WDR3: variants seen among roughly 807,000 people sequenced by gnomAD.
WDR3 encodes the protein WD repeat domain 3.
Under a neutral mutation model 123.7 loss-of-function variants are expected in WDR3, and 81 were observed. The ratio of observed to expected loss-of-function variants is 0.65; its 90% CI spans 0.55 to 0.79. The LOEUF (loss-of-function observed/expected upper bound fraction) is 0.79, where lower values mean the gene tolerates loss of function less well. WDR3 is among the 30% of genes least tolerant of loss of function. WDR3 has a pLI of 0.00. For synonymous variants in WDR3, 390 were observed against 388.8 expected (o/e 1.00, Z -0.04); for missense variants, 1,027 against 1,123.2 (o/e 0.91, Z 1.22).
rs201492235 is a variant in WDR3, at chr1:117,963,819, G to A, written c.*4372G>A. 31 of 1,612,640 alleles carry A rather than the reference G, an allele frequency of 1.9e-5. No homozygotes were observed. The South Asian group carries it at 3.0e-4, about 15-fold the overall frequency. ...TGTACCTAATGTGGAGAAACTTTAC[G>A]AGACATGAAGACTCCAAGTGTGGAG... On this transcript the variant is annotated 3_prime_UTR_variant, in exon 27 of 27. Transcript: ENST00000349139.
Position 117,954,656 on chromosome 1 carries a change from TG to T in WDR3, c.2409+30del, listed in dbSNP as rs1170768981. On this transcript the variant is annotated intron_variant, in intron 23 of 26. Transcript: ENST00000349139. ...AGTAAAATGTCTAACGGTTTTCCTT[TG>T]TTTATTAAAAGGTTACTTACAAGGA... is the stretch of plus-strand genomic sequence containing the variant. The T allele has an allele frequency of 2.5e-6, 4 of 1,604,824 alleles. No homozygotes were observed. In the East Asian group the frequency reaches 8.9e-5, roughly 36 times the overall value.
At chr1:117,947,093 T>C (rs1651436622) in intron 12 of WDR3, among the ~76,000 whole-genome samples, 1 of 152,160 alleles carries the variant, frequency 6.6e-6, no homozygotes, top group African/African-American at 2.4e-5. Context: ...TTACTAGCTA[T>C]GTGACCTTAA....
intron 21 of WDR3, 77 bp downstream of exon 21, chr1:117,953,618 AC>A: frequency 6.7e-7 from 1 of 1,489,330 alleles, no homozygotes. Context: ...TTCTGTATCA[AC>A]CAGAAAGCCA....
chr1:117,943,453 G>T lies in WDR3; in HGVS notation c.1155G>T (p.Gln385His). The T allele has an allele frequency of 6.2e-7, 1 of 1,614,126 alleles. No individual in the cohort carries two copies. The highest frequency in any genetic ancestry group is 1.3e-5 in the African/African-American group (1 of 75,018). The change falls in exon 11 of 27, where the codon CAG becomes CAT. Residue 385 changes from glutamine to histidine, a missense_variant. Transcript: ENST00000349139. ...AGTTAAAGGCTGTCTTCCTGCTGCAGAACAACCTGGTGGAATTGTATTCAC... is the reference window on the plus strand; with the variant it reads ...AGTTAAAGGCTGTCTTCCTGCTGCATAACAACCTGGTGGAATTGTATTCAC... ...HGELKAVFLLQNNLVELYSLN... is the reference protein window; with the variant it reads ...HGELKAVFLLHNNLVELYSLN...
chr1:117,930,483 T>G (rs773679214), intron 1 of WDR3, among the ~76,000 whole-genome samples: 1 of 152,234 alleles, frequency 6.6e-6, no homozygotes, highest in Non-Finnish European at 1.5e-5. Flanking sequence ...GGAAGGTTTA[T>G]TCGAGAAATA....
At chr1:117,936,228 C>G (rs755498232) in intron 3 of WDR3, among the ~76,000 whole-genome samples, 44 of 151,990 alleles carry the variant, frequency 2.9e-4, no homozygotes, top group Middle Eastern at 3.2e-3. Context: ...GAATCCAAAA[C>G]TTTAAAAATA....
At chr1:117,944,572 A>G (rs533860594) in intron 11 of WDR3, among the ~76,000 whole-genome samples, 1 of 152,200 alleles carries the variant, frequency 6.6e-6, no homozygotes. Flanking sequence ...ATGTGTCCCA[A>G]ACCAAACTTA....
Position 117,954,053 on chromosome 1 carries a change from C to A in WDR3, c.2315C>A (p.Ala772Glu). 6.2e-7 allele frequency: 1 copy of A among 1,610,690 alleles called. No individual in the cohort carries two copies. Among genetic ancestry groups the A allele is most frequent in the East Asian group, 2.2e-5 (1 of 44,714 alleles). The stretch of plus-strand genomic sequence containing the variant: ...ATTGAGTTGTACCGAGAAGAAACTG[C>A]AAAAATGAAGGAACACAAAGCCATT... ...EAIELYREET[A>E]KMKEHKAICK... The change falls in exon 22 of 27, where the codon GCA becomes GAA. Residue 772 changes from alanine to glutamate, a missense_variant. Ala to Glu is a moderately radical substitution (Grantham distance 107). Coordinates refer to ENST00000349139, the MANE Select transcript of WDR3 (RefSeq NM_006784.3).
chr1:117,952,230 ATG>A (rs1386281997), intron 17 of WDR3, 65 bp from the exon 18 acceptor site: 23 of 1,485,884 alleles, frequency 1.5e-5, no homozygotes, highest in Admixed American at 1.1e-4. Context: ...AAAGCTATTT[ATG>A]TGTGTAAAAC....
Position 117,964,227 on chromosome 1 carries a change from G to T in WDR3, c.*4780G>T. 14 of 175,284 alleles carry T rather than the reference G, an allele frequency of 8.0e-5. No homozygotes were observed. Among genetic ancestry groups the T allele is most frequent in the East Asian group, 2.7e-4 (2 of 7,352 alleles). The allele number at this position is 175,284 out of a possible 1,614,324, so 10.9% of individuals were successfully genotyped here. A position where few individuals can be genotyped will look rare whatever the true frequency, so the allele number is the denominator to read the frequency against. On this transcript the variant is annotated 3_prime_UTR_variant, in exon 27 of 27. Transcript: ENST00000349139. ...CAAGCCCCAAACCATATCTACATCA[G>T]ATTTCATGCTTTTTTTTTTTTTTTT...
intron 6 of WDR3, 77 bp downstream of exon 6, chr1:117,939,649 A>C: frequency 7.2e-7 from 1 of 1,387,586 alleles, no homozygotes; most frequent in Non-Finnish European, 1.0e-6. Context: ...AGATGTAATT[A>C]TTCAGTACTT....
intron 1 of WDR3, among the ~76,000 whole-genome samples, chr1:117,931,496 A>G (rs1197604030): frequency 6.6e-6 from 1 of 152,242 alleles, no homozygotes; most frequent in East Asian, 1.9e-4. Context: ...TACCAGAAGT[A>G]AGGTAGGCTT....
At chr1:117,941,479 GTAT>G (rs1236668415) in intron 8 of WDR3, among the ~76,000 whole-genome samples, 1 of 152,126 alleles carries the variant, frequency 6.6e-6, no homozygotes, top group Non-Finnish European at 1.5e-5. Flanking sequence ...TTTTGTACCA[GTAT>G]TATTATTAGC....
Position 117,960,880 on chromosome 1 carries a change from A to G in WDR3, c.*1433A>G, listed in dbSNP as rs1473965520. 1 of 152,240 alleles carries G rather than the reference A, an allele frequency of 6.6e-6. No homozygotes were observed. Among genetic ancestry groups the G allele is most frequent in the East Asian group, 1.9e-4 (1 of 5,204 alleles). 9.4% of individuals were successfully genotyped at this position (152,240 alleles called of 1,614,324 possible). On this transcript the variant is annotated 3_prime_UTR_variant, in exon 27 of 27. Coordinates refer to ENST00000349139, the MANE Select transcript of WDR3 (RefSeq NM_006784.3). ...GCAGTAAATGATAAAATAGTCTAGT[A>G]TCTACATATATTTTGTGCATTCATG...
chr1:117,959,396 G>T lies in WDR3; in HGVS notation c.2781G>T (p.Glu927Asp), dbSNP rs775748226. 1.9e-6 allele frequency: 3 copies of T among 1,613,626 alleles called. No individual in the cohort carries two copies. In the Admixed American group the frequency reaches 5.0e-5, roughly 27 times the overall value. The change falls in exon 27 of 27, where the codon GAG becomes GAT. Residue 927 changes from glutamate to aspartate, a missense_variant. Physicochemically the swap from Glu to Asp is conservative, Grantham distance 45. Transcript: ENST00000349139. Reference sequence around the variant, plus strand: ...CTGATGCTACTAGCCACTTGGAAGAGAAGAAGAGGAAGAGGAAAAAGAGGG... The same window carrying T: ...CTGATGCTACTAGCCACTTGGAAGATAAGAAGAGGAAGAGGAAAAAGAGGG... ...FFADATSHLE[E>D]KKRKRKKREK...
intron 24 of WDR3, 42 bp downstream of exon 24, chr1:117,955,400 A>C: frequency 6.3e-7 from 1 of 1,581,032 alleles, no homozygotes; most frequent in African/African-American, 1.3e-5. Context: ...TCTGTCAGCA[A>C]ACATTTATGA....
intron 10 of WDR3, among the ~76,000 whole-genome samples, 177 bp downstream of exon 10, chr1:117,942,721 G>A (rs1464821467): frequency 6.6e-6 from 1 of 151,932 alleles, no homozygotes; most frequent in Non-Finnish European, 1.5e-5. Context: ...TTTTTGTCTT[G>A]TATTTGGATT....
chr1:117,931,569 G>A (rs978712821), intron 1 of WDR3, among the ~76,000 whole-genome samples: 1 of 152,076 alleles, frequency 6.6e-6, no homozygotes, highest in Non-Finnish European at 1.5e-5. Flanking sequence ...AGTAAATATT[G>A]GAAACTCTAT....
intron 19 of WDR3, 26 bp downstream of exon 19, chr1:117,952,688 A>C: frequency 6.2e-7 from 1 of 1,609,232 alleles, no homozygotes; most frequent in South Asian, 1.1e-5. Context: ...TTGGTTACAA[A>C]TATGCCAGTA....
Sources: allele counts gnomAD v4.1 joint callset (sites outside exome capture counted in the v4.1 genomes callset), GRCh38; gene constraint gnomAD v4.1.1; transcripts MANE v1.5; gene names NCBI Gene and HGNC (gene_info 2026-07-23, HGNC 2026-07-21).